GRM7: variants seen among roughly 807,000 people sequenced by gnomAD.
The protein encoded by GRM7 is metabotropic glutamate receptor 7.
GRM7 carries 35 observed loss-of-function variants against 84.5 expected under a neutral mutation model. The ratio of observed to expected loss-of-function variants is 0.41; its 90% CI spans 0.32 to 0.55. The LOEUF (loss-of-function observed/expected upper bound fraction) is 0.55, where lower values mean the gene tolerates loss of function less well. GRM7 is among the 20% of genes least tolerant of loss of function. The pLI, the probability that GRM7 is intolerant of heterozygous loss-of-function variation, is 0.19. For missense variants in GRM7, 1,003 were observed against 1,194.6 expected (o/e 0.84, Z 2.36); for synonymous variants, 487 against 455.1 (o/e 1.07, Z -0.89).
chr3:7,182,091 A>G (rs189102372), intron 2 of GRM7, among the ~76,000 whole-genome samples: 25 of 152,158 alleles, frequency 1.6e-4, no homozygotes, highest in African/African-American at 6.0e-4. Context: ...TTCCTCTTAT[A>G]ACTGTTTTCT....
intron 1 of GRM7, among the ~76,000 whole-genome samples, chr3:7,136,005 T>C (rs1436056358): frequency 6.6e-6 from 1 of 152,120 alleles, no homozygotes; most frequent in Non-Finnish European, 1.5e-5. Context: ...TTTCCAAGCC[T>C]AGGAGATCCT....
At chr3:7,181,967 C>T (rs923936024) in intron 2 of GRM7, among the ~76,000 whole-genome samples, 1 of 151,976 alleles carries the variant, frequency 6.6e-6, no homozygotes, top group Non-Finnish European at 1.5e-5. Flanking sequence ...AGTTTAATGC[C>T]TAAAAGTATA....
chr3:7,219,104 G>A (rs116429256), intron 2 of GRM7, among the ~76,000 whole-genome samples: 127 of 152,176 alleles, frequency 8.3e-4, no homozygotes, highest in African/African-American at 2.8e-3. Flanking sequence ...CCATTTAGTC[G>A]TTAACTCCTC....
chr3:7,619,469 G>C (rs1697259913), intron 8 of GRM7, among the ~76,000 whole-genome samples: 1 of 151,830 alleles, frequency 6.6e-6, no homozygotes, highest in African/African-American at 2.4e-5. Flanking sequence ...ATTAAGCAAA[G>C]GCCCAAACCA....
At chr3:7,039,270 T>A (rs964972773) in intron 1 of GRM7, among the ~76,000 whole-genome samples, 1 of 152,220 alleles carries the variant, frequency 6.6e-6, no homozygotes, top group African/African-American at 2.4e-5. Flanking sequence ...ATCCGACTTC[T>A]GAATTCCTGT....
chr3:7,168,923 GA>G (rs1251713684), intron 2 of GRM7, among the ~76,000 whole-genome samples: 2 of 152,160 alleles, frequency 1.3e-5, no homozygotes, highest in African/African-American at 4.8e-5. Context: ...AGGAAGAAAA[GA>G]ATGAGAACAG....
chr3:7,133,578 A>G (rs956245721), intron 1 of GRM7, among the ~76,000 whole-genome samples: 1 of 152,226 alleles, frequency 6.6e-6, no homozygotes, highest in Admixed American at 6.5e-5. Flanking sequence ...TTATATTGCT[A>G]GCAAAATACC....
chr3:7,636,701 G>A (rs1698110328), intron 8 of GRM7, among the ~76,000 whole-genome samples: 1 of 152,158 alleles, frequency 6.6e-6, no homozygotes, highest in Non-Finnish European at 1.5e-5. Flanking sequence ...TAAAGCAAGT[G>A]GGTGTAGATG....
intron 7 of GRM7, among the ~76,000 whole-genome samples, chr3:7,566,703 G>A (rs1244269857): frequency 6.6e-6 from 1 of 151,932 alleles, no homozygotes; most frequent in Non-Finnish European, 1.5e-5. Flanking sequence ...ATATTGTTTG[G>A]CAATCTAAGA....
intron 4 of GRM7, among the ~76,000 whole-genome samples, chr3:7,414,367 C>T (rs181773773): frequency 2.0e-5 from 3 of 152,244 alleles, no homozygotes; most frequent in Admixed American, 2.0e-4. Context: ...GCTCATGGTT[C>T]CATGACTGAG....
rs1698450312 is a variant in GRM7, at chr3:7,466,088, T to C, written c.1515+4366T>C. Among the ~76,000 whole-genome samples the C allele has an allele frequency of 2.6e-5, 4 of 152,162 alleles. No homozygotes were observed. In the South Asian group the frequency reaches 8.3e-4, roughly 32 times the overall value. On this transcript the variant is annotated intron_variant, in intron 7 of 9. Coordinates refer to ENST00000357716, the MANE Select transcript of GRM7 (RefSeq NM_000844.4). ...AACAACCCTAATTTAATTTCTTAGG[T>C]TTCTATTCTACCAAGAAACTTTATG...
chr3:7,076,027 A>C (rs762788112), intron 1 of GRM7, among the ~76,000 whole-genome samples: 4 of 152,320 alleles, frequency 2.6e-5, no homozygotes, highest in Admixed American at 6.5e-5. Context: ...AAAAAGAAAA[A>C]AACATTTTTA....
At chr3:6,880,907 A>C (rs1383298874) in intron 1 of GRM7, among the ~76,000 whole-genome samples, 1 of 152,150 alleles carries the variant, frequency 6.6e-6, no homozygotes, top group East Asian at 1.9e-4. Flanking sequence ...ATTTATTAAA[A>C]GTTTATTATA....
At chr3:7,392,869 G>T (rs1214585149) in intron 4 of GRM7, among the ~76,000 whole-genome samples, 1 of 152,190 alleles carries the variant, frequency 6.6e-6, no homozygotes, top group Non-Finnish European at 1.5e-5. Flanking sequence ...TCTCACCACA[G>T]CCTGTTACAG....
rs557265823 is a variant in GRM7 at position 7,526,305 on chromosome 3, T to G, written c.1516-52117T>G. Among the ~76,000 whole-genome samples, 2 of 152,112 alleles carry G rather than the reference T, an allele frequency of 1.3e-5. 1 individual carries two copies. The highest frequency in any genetic ancestry group is 4.2e-4 in the South Asian group (2 of 4,816). On this transcript the variant is annotated intron_variant, in intron 7 of 9. Coordinates refer to ENST00000357716, the MANE Select transcript of GRM7 (RefSeq NM_000844.4). ...CTCTGCCAACTGGTGATGTAAAGCTTTTTTTTCCCCTGTACTTATTGGCTG... is the reference window on the plus strand; with the variant it reads ...CTCTGCCAACTGGTGATGTAAAGCTGTTTTTTCCCCTGTACTTATTGGCTG...
chr3:6,953,369 C>A (rs1020229519), intron 1 of GRM7, among the ~76,000 whole-genome samples: 2 of 152,192 alleles, frequency 1.3e-5, no homozygotes, highest in African/African-American at 4.8e-5. Flanking sequence ...AACTGTTGCC[C>A]TGACAAGCCA....
chr3:6,890,892 C>G (rs954820459), intron 1 of GRM7, among the ~76,000 whole-genome samples: 9 of 152,150 alleles, frequency 5.9e-5, no homozygotes, highest in Non-Finnish European at 1.2e-4. Flanking sequence ...TCACTCAGGA[C>G]TTGCTTTATG....
intron 6 of GRM7, among the ~76,000 whole-genome samples, chr3:7,453,451 C>T (rs1396498004): frequency 1.3e-5 from 2 of 152,136 alleles, no homozygotes; most frequent in Admixed American, 6.6e-5. Context: ...TTCACAATCT[C>T]CTCCTCAGGT....
chr3:7,618,981 G>T (rs1048720963), intron 8 of GRM7, among the ~76,000 whole-genome samples: 1 of 152,124 alleles, frequency 6.6e-6, no homozygotes, highest in Non-Finnish European at 1.5e-5. Flanking sequence ...TTTATTTTCA[G>T]AAAATAGTTC....
Sources: gnomAD v4.1 joint callset for allele counts (sites outside exome capture counted in the v4.1 genomes callset) on GRCh38, gnomAD v4.1.1 for gene constraint, MANE v1.5 for transcripts, NCBI Gene and HGNC (gene_info 2026-07-23, HGNC 2026-07-21) for gene names.